The following TEX26 variants were observed in gnomAD, a reference collection of about 807,000 sequenced individuals.
TEX26 encodes the protein testis expressed 26.
TEX26 carries 34 observed loss-of-function variants against 35.3 expected under a neutral mutation model. That is an observed-to-expected ratio of 0.96 (90% CI 0.73 to 1.28). The LOEUF (loss-of-function observed/expected upper bound fraction) is 1.28, where lower values mean the gene tolerates loss of function less well. Among genes scored for constraint, TEX26 ranks in the 50% most tolerant of loss-of-function variants. The pLI is 0.00. For synonymous variants in TEX26, 136 were observed against 111.8 expected, an observed-to-expected ratio of 1.22 and a Z score of -1.36; for missense variants, 371 against 330.1, an observed-to-expected ratio of 1.12 and a Z score of -0.96.
intron 1 of TEX26, among the ~76,000 whole-genome samples, chr13:30,934,882 C>T (rs553156092): frequency 9.6e-4 from 147 of 152,332 alleles, no homozygotes; most frequent in Admixed American, 1.8e-3. Flanking sequence ...TCTGAGCCTC[C>T]CTGTGGAACC....
At chr13:30,946,352 G>A (rs575826807) in intron 2 of TEX26, among the ~76,000 whole-genome samples, 77 of 151,628 alleles carry the variant, frequency 5.1e-4, no homozygotes, top group African/African-American at 1.7e-3. Flanking sequence ...ATCCTGAGTT[G>A]TTTCTTAATT....
intron 1 of TEX26, chr13:30,936,969 G>T: frequency 4.1e-6 from 4 of 985,368 alleles, no homozygotes; most frequent in Non-Finnish European, 4.8e-6. Flanking sequence ...CTTTGTCAAT[G>T]GAGGTAAAAA....
intron 4 of TEX26, among the ~76,000 whole-genome samples, chr13:30,965,400 T>C (rs1442536819): frequency 6.6e-6 from 1 of 152,240 alleles, no homozygotes; most frequent in Non-Finnish European, 1.5e-5. Flanking sequence ...GGAAGAGAGT[T>C]GAGTTCAGTG....
At position 30,966,362 on chromosome 13, in the gene TEX26, T is replaced by C; in HGVS notation, c.610T>C (p.Cys204Arg). ...TCAAGATTTCAGTTTCAAATATGGATGCTACTCAAGCTTGCCTGTTGCTTC... is the reference window on the plus strand; with the variant it reads ...TCAAGATTTCAGTTTCAAATATGGACGCTACTCAAGCTTGCCTGTTGCTTC... ...ELQDFSFKYG[C>R]YSSLPVASQG... The change falls in exon 5 of 7, where the codon TGC becomes CGC. Residue 204 changes from cysteine to arginine, a missense_variant. Physicochemically the swap from Cys to Arg is radical, Grantham distance 180 (BLOSUM62 -3). Transcript: ENST00000380473. 1 of 1,613,988 alleles carries C rather than the reference T, an allele frequency of 6.2e-7. No homozygotes were observed. The highest frequency in any genetic ancestry group is 8.5e-7 in the Non-Finnish European group (1 of 1,179,974).
rs752207628 is a variant in TEX26 at position 30,968,876 on chromosome 13, T to C, written c.647-9T>C. 1 of 1,611,932 alleles carries C rather than the reference T, an allele frequency of 6.2e-7. No individual in the cohort carries two copies. The highest frequency in any genetic ancestry group is 1.7e-5 in the Admixed American group (1 of 59,608). Reference sequence around the variant, plus strand: ...CTTCCGACCTCTCCTCCCCTGTGTATTTCTATAGTGCCTTCTGTGCTGCAC... The same window carrying C: ...CTTCCGACCTCTCCTCCCCTGTGTACTTCTATAGTGCCTTCTGTGCTGCAC... On this transcript the variant is annotated splice_polypyrimidine_tract_variant and intron_variant, in intron 5 of 6. Coordinates refer to ENST00000380473, the MANE Select transcript of TEX26 (RefSeq NM_152325.3).
intron 4 of TEX26, among the ~76,000 whole-genome samples, chr13:30,964,880 C>T (rs1054573686): frequency 2.0e-5 from 3 of 152,208 alleles, no homozygotes; most frequent in African/African-American, 7.2e-5. Context: ...CATTAATCCA[C>T]TCATGAGGGC....
chr13:30,943,165 T>C (rs1224529913), intron 2 of TEX26, among the ~76,000 whole-genome samples: 1 of 152,156 alleles, frequency 6.6e-6, no homozygotes, highest in Non-Finnish European at 1.5e-5. Flanking sequence ...TACCTATGAT[T>C]TCTTTCAGTA....
chr13:30,962,489 G>A (rs1053344324), intron 4 of TEX26, among the ~76,000 whole-genome samples: 5 of 152,176 alleles, frequency 3.3e-5, no homozygotes, highest in African/African-American at 7.2e-5. Flanking sequence ...CTGGTTGTAC[G>A]CCTCGCCTCT....
chr13:30,945,085 C>A (rs1026289372), intron 2 of TEX26, among the ~76,000 whole-genome samples: 20 of 151,794 alleles, frequency 1.3e-4, no homozygotes, highest in African/African-American at 4.1e-4. Context: ...TATCTCATTT[C>A]TTGGGTCTAG....
rs1363050491 is a variant in TEX26, at chr13:30,952,788, C to T, written c.275C>T (p.Ser92Leu). The change falls in exon 3 of 7, where the codon TCA (serine) becomes TTA (leucine). Residue 92 changes from serine to leucine, a missense_variant. By Grantham distance (145) the Ser-to-Leu change is moderately radical. Coordinates refer to ENST00000380473, the MANE Select transcript of TEX26 (RefSeq NM_152325.3). Reference sequence around the variant, plus strand: ...GAAGATTTGATCAAAACTGAGACTTCAAGAGGAATCAAGAGCCACAAATCT... The same window carrying T: ...GAAGATTTGATCAAAACTGAGACTTTAAGAGGAATCAAGAGCCACAAATCT... ...SKEDLIKTET[S>L]RGIKSHKSHL... is the part of the protein sequence containing the mutation. The T allele has an allele frequency of 1.9e-6, 3 of 1,612,702 alleles. No individual in the cohort carries two copies. The East Asian group carries it at 6.7e-5, about 36-fold the overall frequency.
At chr13:30,948,591 G>T (rs1353746018) in intron 2 of TEX26, among the ~76,000 whole-genome samples, 56 of 152,162 alleles carry the variant, frequency 3.7e-4, no homozygotes, top group African/African-American at 1.3e-3. Context: ...GGGGTTGTTT[G>T]TTTTTTTCTT....
At chr13:30,949,881 T>G (rs1007336608) in intron 2 of TEX26, among the ~76,000 whole-genome samples, 1 of 152,182 alleles carries the variant, frequency 6.6e-6, no homozygotes, top group African/African-American at 2.4e-5. Flanking sequence ...GAAAGAAAGT[T>G]ACATATAGTG....
chr13:30,962,322 T>C (rs1954375092), intron 4 of TEX26, among the ~76,000 whole-genome samples: 1 of 152,186 alleles, frequency 6.6e-6, no homozygotes, highest in Non-Finnish European at 1.5e-5. Flanking sequence ...GCCTCCTCTC[T>C]TGTCAGCCCC....
At chr13:30,963,312 C>T (rs1418039863) in intron 4 of TEX26, among the ~76,000 whole-genome samples, 1 of 152,072 alleles carries the variant, frequency 6.6e-6, no homozygotes, top group Non-Finnish European at 1.5e-5. Context: ...TGGGGGGAGG[C>T]GTCATTGGGT....
At chr13:30,950,574 C>T (rs921031337) in intron 2 of TEX26, among the ~76,000 whole-genome samples, 2 of 152,154 alleles carry the variant, frequency 1.3e-5, no homozygotes, top group African/African-American at 4.8e-5. Flanking sequence ...CTCTCAGAGG[C>T]CTCTCCCTAA....
chr13:30,974,131 A>AAAAAAATATATATATATATATAT, intron 6 of TEX26, among the ~76,000 whole-genome samples: 1 of 84,430 alleles, frequency 1.2e-5, no homozygotes, highest in Non-Finnish European at 2.2e-5. Flanking sequence ...AAAAAAAAAA[A>AAAAAAATATATATATATATATAT]ATATATATAT....
chr13:30,970,373 T>A (rs1290327075), intron 6 of TEX26, among the ~76,000 whole-genome samples: 1 of 151,984 alleles, frequency 6.6e-6, no homozygotes, highest in South Asian at 2.1e-4. Flanking sequence ...TAAAGGAACA[T>A]GGAGTGAGTA....
intron 2 of TEX26, among the ~76,000 whole-genome samples, chr13:30,941,362 T>C (rs548696634): frequency 6.6e-6 from 1 of 152,332 alleles, no homozygotes; most frequent in South Asian, 2.1e-4. Context: ...TATATAACTG[T>C]AACAGTAGCC....
intron 1 of TEX26, among the ~76,000 whole-genome samples, chr13:30,937,906 A>G (rs1244046210): frequency 1.3e-5 from 2 of 152,262 alleles, no homozygotes; most frequent in African/African-American, 4.8e-5. Flanking sequence ...GGAGATGAAC[A>G]TTAAGAGGTT....
Sources: gnomAD v4.1 joint callset for allele counts (sites outside exome capture counted in the v4.1 genomes callset) on GRCh38, gnomAD v4.1.1 for gene constraint, MANE v1.5 for transcripts, NCBI Gene and HGNC (gene_info 2026-07-23, HGNC 2026-07-21) for gene names.